PACS2: variants seen among roughly 807,000 people sequenced by gnomAD.
The protein encoded by PACS2 is phosphofurin acidic cluster sorting protein 2.
PACS2 carries 36 observed loss-of-function variants against 113.0 expected under a neutral mutation model. The observed-to-expected ratio is 0.32, with a 90% CI of 0.24 to 0.42. PACS2 has a LOEUF of 0.42. Among genes scored for constraint, PACS2 ranks in the 10% least tolerant of loss-of-function variants. The pLI is 1.00. For missense variants in PACS2, 1,015 were observed against 1,239.5 expected, an observed-to-expected ratio of 0.82 and a Z score of 2.72; for synonymous variants, 589 against 536.1, an observed-to-expected ratio of 1.10 and a Z score of -1.36.
In PACS2 at chr14:105,357,436, G is replaced by A. The variant is rs1201021411; in HGVS notation, c.423+2259G>A. On this transcript the variant is annotated intron_variant, in intron 4 of 24. Coordinates refer to ENST00000447393, the MANE Select transcript of PACS2 (RefSeq NM_001100913.3). This position sits in a 1 kb window ranked among gnomAD's most constrained non-coding sequence, Gnocchi z 5.1. ...CCCTGCACCTGTGGCTTCCAAAGCC[G>A]AGGTCATCTGACTGCTCCTCGCTCT... is the stretch of plus-strand genomic sequence containing the variant. Among the ~76,000 whole-genome samples, 1 of 152,072 alleles carries A rather than the reference G, an allele frequency of 6.6e-6. No homozygotes were observed. The highest frequency in any genetic ancestry group is 1.5e-5 in the Non-Finnish European group (1 of 68,018).
At chr14:105,327,296 C>T (rs1331012318) in intron 1 of PACS2, among the ~76,000 whole-genome samples, 1 of 152,190 alleles carries the variant, frequency 6.6e-6, no homozygotes, top group Non-Finnish European at 1.5e-5. Context: ...GTGGTGGTAG[C>T]CTGAGGGGAT....
chr14:105,316,531 G>A (rs943096273), intron 1 of PACS2, among the ~76,000 whole-genome samples: 14 of 152,208 alleles, frequency 9.2e-5, no homozygotes, highest in Non-Finnish European at 2.1e-4. Context: ...GCCTGCCCTT[G>A]CTGAACCTCT....
rs1031401029 is a variant in PACS2 at position 105,324,395 on chromosome 14, G to T, written c.119+9358G>T. 4.6e-5 allele frequency among the ~76,000 whole-genome samples: 7 copies of T among 152,168 alleles called. No individual in the cohort carries two copies. Among genetic ancestry groups the T allele is most frequent in the African/African-American group, 1.4e-4 (6 of 41,436 alleles). ...TGCTTTCCCCAGGACCAGGGGGCAG[G>T]GTGTGGCGTGCTTATTCCTGCCTGG... On this transcript the variant is annotated intron_variant, in intron 1 of 24. Transcript: ENST00000447393. This position sits in a 1 kb window ranked among gnomAD's most constrained non-coding sequence, Gnocchi z 4.7.
upstream of PACS2, among the ~76,000 whole-genome samples, chr14:105,313,284 CACAG>C (rs1017971201): frequency 6.6e-6 from 1 of 152,228 alleles, no homozygotes; most frequent in Non-Finnish European, 1.5e-5. Context: ...GCCCTCCCAT[CACAG>C]ACAGCCTGTC....
intron 1 of PACS2, among the ~76,000 whole-genome samples, chr14:105,302,878 G>A (rs1448708606): frequency 6.6e-6 from 1 of 151,708 alleles, no homozygotes; most frequent in Non-Finnish European, 1.5e-5. Flanking sequence ...ACTGCTCCCC[G>A]CCCTGTCCTC....
chr14:105,355,244 G>T lies in PACS2; in HGVS notation c.423+67G>T. ...CTGGGTGCCAGAGCATTCGCCCGTG[G>T]GAGATGGAGATGTCTCTCCCGGGTC... On this transcript the variant is annotated intron_variant, in intron 4 of 24. Coordinates refer to ENST00000447393, the MANE Select transcript of PACS2 (RefSeq NM_001100913.3). The surrounding 1 kb of genome is among the most constrained non-coding windows in gnomAD (Gnocchi z 4.1). 6.5e-7 allele frequency: 1 copy of T among 1,527,976 alleles called. No homozygotes were observed. Among genetic ancestry groups the T allele is most frequent in the Non-Finnish European group, 8.9e-7 (1 of 1,126,384 alleles). The allele number at this position is 1,527,976 out of a possible 1,614,324, so 94.7% of individuals were successfully genotyped here. A position where few individuals can be genotyped will look rare whatever the true frequency, so the allele number is the denominator to read the frequency against.
At chr14:105,373,559 C>T (rs1314301991) in intron 8 of PACS2, among the ~76,000 whole-genome samples, 1 of 152,214 alleles carries the variant, frequency 6.6e-6, no homozygotes, top group Middle Eastern at 3.2e-3. Flanking sequence ...GCCTGTAACC[C>T]CAGCACTCTG....
intron 1 of PACS2, among the ~76,000 whole-genome samples, chr14:105,328,912 T>G (rs1052952714): frequency 3.3e-5 from 5 of 152,240 alleles, no homozygotes; most frequent in Non-Finnish European, 7.3e-5. Flanking sequence ...CTTTTGCATA[T>G]TATTGACCTA....
rs376160237 is a variant in PACS2, at chr14:105,348,690, G to C, written c.207+110G>C. On this transcript the variant is annotated intron_variant, in intron 2 of 24. Transcript: ENST00000447393. The surrounding 1 kb of genome is among the most constrained non-coding windows in gnomAD (Gnocchi z 6.4). The stretch of plus-strand genomic sequence containing the variant: ...TGTGGGGCCTTGTGCCAAAACAGCG[G>C]GCAGCCCATGCCATCTCCGGGAGCC... 1 of 817,594 alleles carries C rather than the reference G, an allele frequency of 1.2e-6. No individual in the cohort carries two copies. The highest frequency in any genetic ancestry group is 1.7e-5 in the African/African-American group (1 of 59,344). 50.6% of individuals were successfully genotyped at this position (817,594 alleles called of 1,614,324 possible). A position where few individuals can be genotyped will look rare whatever the true frequency, so the allele number is the denominator to read the frequency against.
In PACS2 at chr14:105,394,609, G is replaced by C; in HGVS notation, c.2652G>C (p.Gln884His). Residue 884 changes from glutamine (Q) to histidine (H), a missense_variant, in exon 25 of 25, where the codon CAG becomes CAC. Coordinates refer to ENST00000447393, the MANE Select transcript of PACS2 (RefSeq NM_001100913.3). ...SDVKFFQLAAQWSSHVKHFPI... is the reference protein window; with the variant it reads ...SDVKFFQLAAHWSSHVKHFPI... ...TCAAGTTCTTCCAGCTGGCCGCGCAGTGGTCCTCGCACGTGAAGCACTTCC... is the reference window on the plus strand; with the variant it reads ...TCAAGTTCTTCCAGCTGGCCGCGCACTGGTCCTCGCACGTGAAGCACTTCC... 1 of 1,613,534 alleles carries C rather than the reference G, an allele frequency of 6.2e-7. No individual in the cohort carries two copies. Among genetic ancestry groups the C allele is most frequent in the Non-Finnish European group, 8.5e-7 (1 of 1,180,000 alleles).
rs892476784 is a variant in PACS2 at position 105,334,008 on chromosome 14, C to T, written c.120-14485C>T. Among the ~76,000 whole-genome samples the T allele has an allele frequency of 9.8e-5, 15 of 152,370 alleles. No homozygotes were observed. In the East Asian group the frequency reaches 2.7e-3, roughly 27 times the overall value. ...CTGGGAGACACCTGTCAGGGCCCTT[C>T]CTGCCTGGGGCCATATGGAGTGTCC... On this transcript the variant is annotated intron_variant, in intron 1 of 24. Coordinates refer to ENST00000447393, the MANE Select transcript of PACS2 (RefSeq NM_001100913.3).
intron 1 of PACS2, among the ~76,000 whole-genome samples, chr14:105,304,297 C>G (rs1469585332): frequency 2.0e-5 from 3 of 152,084 alleles, no homozygotes. Context: ...CAAGACCGTC[C>G]TGGCCAACAT....
chr14:105,358,602 G>A lies in PACS2; in HGVS notation c.423+3425G>A, dbSNP rs947880745. On this transcript the variant is annotated intron_variant, in intron 4 of 24. Coordinates refer to ENST00000447393, the MANE Select transcript of PACS2 (RefSeq NM_001100913.3). This position sits in a 1 kb window ranked among gnomAD's most constrained non-coding sequence, Gnocchi z 4.9. Reference sequence around the variant, plus strand: ...TGAGGCTGGGGCCTGTGGGCTCCCCGACAAGACAGGAAGGTTGACAGACCC... The same window carrying A: ...TGAGGCTGGGGCCTGTGGGCTCCCCAACAAGACAGGAAGGTTGACAGACCC... 9.2e-5 allele frequency among the ~76,000 whole-genome samples: 14 copies of A among 152,188 alleles called. No individual in the cohort carries two copies. The highest frequency in any genetic ancestry group is 2.9e-4 in the African/African-American group (12 of 41,458).
intron 7 of PACS2, 65 bp downstream of exon 7, chr14:105,368,604 G>A: frequency 8.2e-7 from 1 of 1,221,528 alleles, no homozygotes; most frequent in South Asian, 1.2e-5. Flanking sequence ...CTGGGAGCCT[G>A]GGCGTGGGGG....
At chr14:105,383,820 C>G in intron 16 of PACS2, 1 of 388,504 alleles carries the variant, frequency 2.6e-6, no homozygotes, top group Non-Finnish European at 4.7e-6. Context: ...TGGGTGTCTC[C>G]TCCATCAGTC....
chr14:105,348,426 G>A lies in PACS2; in HGVS notation c.120-67G>A. ...GGCTCCCGGGGTGACACAGTGCTGG[G>A]ACGGCACAGGGCCGCGTCCTGAGGA... On this transcript the variant is annotated intron_variant, in intron 1 of 24. Coordinates refer to ENST00000447393, the MANE Select transcript of PACS2 (RefSeq NM_001100913.3). This position sits in a 1 kb window ranked among gnomAD's most constrained non-coding sequence, Gnocchi z 6.4. 7.9e-7 allele frequency: 1 copy of A among 1,263,592 alleles called. No homozygotes were observed. Among genetic ancestry groups the A allele is most frequent in the South Asian group, 1.2e-5 (1 of 83,500 alleles). The allele number at this position is 1,263,592 out of a possible 1,614,324, so 78.3% of individuals were successfully genotyped here.
chr14:105,337,758 C>T (rs2059580552), intron 1 of PACS2, among the ~76,000 whole-genome samples: 1 of 152,236 alleles, frequency 6.6e-6, no homozygotes, highest in African/African-American at 2.4e-5. Flanking sequence ...GAGATCCTGT[C>T]CCACCCCTGG....
intron 21 of PACS2, 76 bp downstream of exon 21, chr14:105,391,325 A>G: frequency 8.9e-7 from 1 of 1,119,030 alleles, no homozygotes; most frequent in Admixed American, 1.7e-5. Flanking sequence ...CGAGTCCTGC[A>G]GACCAGATCA....
intron 9 of PACS2, among the ~76,000 whole-genome samples, chr14:105,377,314 C>A (rs1435036012): frequency 2.6e-5 from 4 of 152,008 alleles, no homozygotes; most frequent in African/African-American, 7.3e-5. Flanking sequence ...ATGCTGGGTG[C>A]CCCTCCCTGA....
Sources: allele counts gnomAD v4.1 joint callset (sites outside exome capture counted in the v4.1 genomes callset), GRCh38; gene constraint gnomAD v4.1.1; non-coding constraint Gnocchi (gnomAD v3.1); transcripts MANE v1.5; gene names NCBI Gene and HGNC (gene_info 2026-07-23, HGNC 2026-07-21).